The following DISP1 variants were observed in gnomAD, a reference collection of about 807,000 sequenced individuals.
DISP1 encodes dispatched RND transporter family member 1.
In DISP1, 30 loss-of-function variants were observed where a neutral mutation model predicts 37.3. That is an observed-to-expected ratio of 0.80 (90% CI 0.60 to 1.09). The LOEUF (loss-of-function observed/expected upper bound fraction) is 1.09, where lower values mean the gene tolerates loss of function less well. DISP1 is among the 50% of genes least tolerant of loss of function. The pLI, the probability that DISP1 is intolerant of heterozygous loss-of-function variation, is 0.00. For synonymous variants in DISP1, 634 were observed against 690.2 expected (o/e 0.92, Z 1.28); for missense variants, 1,598 against 1,879.5 (o/e 0.85, Z 2.77).
At chr1:222,887,486 G>GTTTTTTTTT (rs940346379) in intron 1 of DISP1, among the ~76,000 whole-genome samples, 66 of 83,102 alleles carry the variant, frequency 7.9e-4, no homozygotes, top group East Asian at 1.1e-3. Context: ...CATTGTTTTT[G>GTTTTTTTTT]TTTTTTTTTT....
At chr1:222,953,672 C>T (rs1675392338) in intron 3 of DISP1, among the ~76,000 whole-genome samples, 1 of 152,090 alleles carries the variant, frequency 6.6e-6, no homozygotes, top group Admixed American at 6.5e-5. Flanking sequence ...TTAAAGTAGT[C>T]AAATTAACTT....
chr1:222,829,971 T>C (rs1665335624), intron 1 of DISP1, among the ~76,000 whole-genome samples: 1 of 152,190 alleles, frequency 6.6e-6, no homozygotes, highest in Admixed American at 6.5e-5. Flanking sequence ...ATTTAGTGTT[T>C]TTGGCAATAA....
chr1:222,896,494 C>T (rs753968798), intron 1 of DISP1, among the ~76,000 whole-genome samples: 14 of 151,012 alleles, frequency 9.3e-5, no homozygotes, highest in Non-Finnish European at 2.1e-4. Context: ...CCAGCTACTC[C>T]GGAGGCTGAG....
chr1:222,935,637 G>A (rs1265074527), intron 2 of DISP1, among the ~76,000 whole-genome samples: 8 of 152,090 alleles, frequency 5.3e-5, no homozygotes, highest in Admixed American at 6.5e-5. Context: ...ACAGTTGATG[G>A]GGATGAAAAT....
chr1:222,870,673 G>A (rs1669503017), intron 1 of DISP1, among the ~76,000 whole-genome samples: 1 of 152,088 alleles, frequency 6.6e-6, no homozygotes, highest in Non-Finnish European at 1.5e-5. Flanking sequence ...TGAGTTCATT[G>A]TAGATTCTGG....
At chr1:222,958,386 A>G (rs1675787204) in intron 3 of DISP1, among the ~76,000 whole-genome samples, 1 of 152,242 alleles carries the variant, frequency 6.6e-6, no homozygotes, top group Non-Finnish European at 1.5e-5. Context: ...AAAATTAATC[A>G]GTAAGATTGC....
intron 2 of DISP1, among the ~76,000 whole-genome samples, chr1:222,936,131 G>A (rs1305447902): frequency 6.6e-6 from 1 of 152,048 alleles, no homozygotes; most frequent in African/African-American, 2.4e-5. Flanking sequence ...CTGCATTACA[G>A]TTGTCTACAG....
chr1:222,861,775 A>G (rs1668892640), intron 1 of DISP1, among the ~76,000 whole-genome samples: 1 of 152,170 alleles, frequency 6.6e-6, no homozygotes, highest in African/African-American at 2.4e-5. Flanking sequence ...TTTTTTCTGA[A>G]TTCTCTAGTA....
intron 1 of DISP1, chr1:222,836,941 A>G (rs137998893): frequency 7.3e-5 from 29 of 397,340 alleles, no homozygotes; most frequent in African/African-American, 5.5e-4. Flanking sequence ...ATACCTACCT[A>G]TGACAGAGAC....
intron 3 of DISP1, among the ~76,000 whole-genome samples, chr1:222,981,179 T>G (rs763019539): frequency 5.1e-4 from 78 of 152,266 alleles, no homozygotes; most frequent in Non-Finnish European, 1.3e-4. Context: ...TATAAGAGGT[T>G]AATACTTTTT....
At chr1:222,861,211 G>A (rs542405804) in intron 1 of DISP1, among the ~76,000 whole-genome samples, 1 of 152,144 alleles carries the variant, frequency 6.6e-6, no homozygotes, top group Non-Finnish European at 1.5e-5. Context: ...TACTTAGCCT[G>A]TAAGTTCTCT....
At chr1:222,930,413 A>G (rs75416354) in intron 2 of DISP1, among the ~76,000 whole-genome samples, 1 of 152,244 alleles carries the variant, frequency 6.6e-6, no homozygotes, top group Non-Finnish European at 1.5e-5. Flanking sequence ...TTTTGGAAAA[A>G]ATATAAGACA....
At chr1:222,984,081 A>G (rs1037349383) in intron 4 of DISP1, among the ~76,000 whole-genome samples, 8 of 150,712 alleles carry the variant, frequency 5.3e-5, no homozygotes, top group African/African-American at 2.0e-4. Context: ...CTTCTATTTA[A>G]AAAAAAATAT....
intron 4 of DISP1, among the ~76,000 whole-genome samples, chr1:222,988,932 C>T (rs1414193148): frequency 3.3e-5 from 5 of 152,176 alleles, no homozygotes; most frequent in Admixed American, 2.6e-4. Context: ...GGATTACAGG[C>T]GTGAGCCACT....
chr1:222,915,825 C>T (rs1472986431), intron 1 of DISP1, among the ~76,000 whole-genome samples: 3 of 152,176 alleles, frequency 2.0e-5, no homozygotes, highest in African/African-American at 7.2e-5. Context: ...GATACCATGA[C>T]CTGCTTAGTA....
chr1:222,929,172 G>C (rs139647614), intron 2 of DISP1, among the ~76,000 whole-genome samples: 356 of 152,238 alleles, frequency 2.3e-3, no homozygotes, highest in African/African-American at 8.2e-3. Context: ...CTATATTTTA[G>C]TTGTTTAAAT....
intron 2 of DISP1, among the ~76,000 whole-genome samples, chr1:222,936,955 T>TAC (rs1673946635): frequency 1.1e-5 from 1 of 93,980 alleles, no homozygotes; most frequent in South Asian, 2.8e-4. Context: ...TATTACATAT[T>TAC]ATATTATTTA....
At chr1:222,935,079 C>T (rs1005029651) in intron 2 of DISP1, among the ~76,000 whole-genome samples, 3 of 152,152 alleles carry the variant, frequency 2.0e-5, no homozygotes, top group Non-Finnish European at 4.4e-5. Context: ...TCTCTTGCTA[C>T]GCAAAATGTG....
chr1:222,924,014 A>C (rs1672951231), intron 1 of DISP1, among the ~76,000 whole-genome samples: 1 of 152,170 alleles, frequency 6.6e-6, no homozygotes, highest in African/African-American at 2.4e-5. Flanking sequence ...AAGACCGGCA[A>C]GGCCATAAAA....
Sources: allele counts gnomAD v4.1 joint callset (sites outside exome capture counted in the v4.1 genomes callset), GRCh38; gene constraint gnomAD v4.1.1; transcripts MANE v1.5; gene names NCBI Gene and HGNC (gene_info 2026-07-23, HGNC 2026-07-21).